PCED1B: variants seen among roughly 807,000 people sequenced by gnomAD.
PCED1B encodes the protein PC-esterase domain containing 1B.
For missense variants in PCED1B, 573 were observed against 573.9 expected (o/e 1.00, Z 0.02); for synonymous variants, 251 against 246.1 (o/e 1.02, Z -0.19).
intron 2 of PCED1B, among the ~76,000 whole-genome samples, chr12:47,166,702 T>A (rs1336603375): frequency 6.6e-6 from 1 of 152,132 alleles, no homozygotes; most frequent in Non-Finnish European, 1.5e-5. Context: ...CTAATCAAGA[T>A]GAGGTGTGGT....
At chr12:47,080,110 T>G (rs1210596621) in intron 1 of PCED1B, among the ~76,000 whole-genome samples, 1 of 151,936 alleles carries the variant, frequency 6.6e-6, no homozygotes, top group South Asian at 2.1e-4. Flanking sequence ...CACCCGGACC[T>G]CTAGAACGGC....
intron 1 of PCED1B, among the ~76,000 whole-genome samples, chr12:47,081,876 G>A (rs1937743422): frequency 6.6e-6 from 1 of 152,120 alleles, no homozygotes; most frequent in Non-Finnish European, 1.5e-5. Context: ...GAAACAGGAA[G>A]GTTATATTAT....
intron 2 of PCED1B, among the ~76,000 whole-genome samples, chr12:47,213,211 A>G (rs1286577764): frequency 6.6e-6 from 1 of 152,224 alleles, no homozygotes; most frequent in Non-Finnish European, 1.5e-5. Flanking sequence ...GTTTTAATCC[A>G]GAATCTCAAA....
intron 1 of PCED1B, among the ~76,000 whole-genome samples, chr12:47,095,509 C>T (rs1938449848): frequency 6.6e-6 from 1 of 152,070 alleles, no homozygotes; most frequent in Non-Finnish European, 1.5e-5. Flanking sequence ...CTCCTCTATT[C>T]TCTCTCTCCT....
At chr12:47,228,038 CTTT>C (rs35458566) in intron 3 of PCED1B, among the ~76,000 whole-genome samples, 8 of 143,480 alleles carry the variant, frequency 5.6e-5, no homozygotes, top group Admixed American at 1.4e-4. Context: ...TTTTCTTTTC[CTTT>C]TTTTTTTTTT....
intron 2 of PCED1B, among the ~76,000 whole-genome samples, chr12:47,107,579 CAG>C (rs1555190231): frequency 6.6e-6 from 1 of 152,180 alleles, no homozygotes; most frequent in Non-Finnish European, 1.5e-5. Flanking sequence ...CCAACTTGGG[CAG>C]AGAGGCCAGA....
chr12:47,212,608 A>G (rs914927813), intron 2 of PCED1B, among the ~76,000 whole-genome samples: 1 of 152,218 alleles, frequency 6.6e-6, no homozygotes, highest in Admixed American at 6.5e-5. Context: ...CTATTCCTGC[A>G]GTGATGGTGT....
intron 1 of PCED1B, among the ~76,000 whole-genome samples, chr12:47,100,720 G>C (rs11183731): frequency 2.0e-5 from 3 of 152,122 alleles, no homozygotes; most frequent in Non-Finnish European, 2.9e-5. Flanking sequence ...AAACAGACTG[G>C]ATTGTGGTAA....
intron 2 of PCED1B, among the ~76,000 whole-genome samples, chr12:47,205,008 C>G (rs1323659460): frequency 6.6e-6 from 1 of 152,070 alleles, no homozygotes; most frequent in Non-Finnish European, 1.5e-5. Flanking sequence ...TTTATTAAGA[C>G]AGGGGAATTG....
Position 47,235,752 on chromosome 12 carries a change from T to C in PCED1B, c.689T>C (p.Val230Ala), listed in dbSNP as rs1156632276. 6.2e-7 allele frequency: 1 copy of C among 1,600,052 alleles called. No homozygotes were observed. Among genetic ancestry groups the C allele is most frequent in the Admixed American group, 1.7e-5 (1 of 57,616 alleles). Residue 230 changes from valine (V) to alanine (A), a missense_variant, in exon 4 of 4, where the codon GTG becomes GCG. Transcript: ENST00000546455. The part of the protein sequence containing the change: ...HARENLHWDG[V>A]HWNGRVHRCL... ...AGGGAGAACCTGCACTGGGACGGGGTGCACTGGAATGGACGTGTGCACCGC... is the reference window on the plus strand; with the variant it reads ...AGGGAGAACCTGCACTGGGACGGGGCGCACTGGAATGGACGTGTGCACCGC...
At chr12:47,151,580 A>C (rs977266746) in intron 2 of PCED1B, among the ~76,000 whole-genome samples, 4 of 152,210 alleles carry the variant, frequency 2.6e-5, no homozygotes, top group African/African-American at 4.8e-5. Context: ...GGAAGTTCCA[A>C]GATTTACCAC....
chr12:47,207,434 C>T (rs1222652099), intron 2 of PCED1B, among the ~76,000 whole-genome samples: 1 of 152,212 alleles, frequency 6.6e-6, no homozygotes, highest in African/African-American at 2.4e-5. Context: ...GGCACACCTT[C>T]CAGCTGCCTG....
At chr12:47,118,442 T>G (rs1213433052) in intron 2 of PCED1B, among the ~76,000 whole-genome samples, 2 of 152,224 alleles carry the variant, frequency 1.3e-5, no homozygotes, top group African/African-American at 2.4e-5. Context: ...ATTTATTAAA[T>G]AAGGAATCCT....
At chr12:47,141,930 G>A (rs1205119903) in intron 2 of PCED1B, among the ~76,000 whole-genome samples, 1 of 152,120 alleles carries the variant, frequency 6.6e-6, no homozygotes, top group Non-Finnish European at 1.5e-5. Context: ...CATGACCCAG[G>A]AGGCAGTCCT....
At chr12:47,151,080 G>A (rs1220917322) in intron 2 of PCED1B, among the ~76,000 whole-genome samples, 5 of 151,308 alleles carry the variant, frequency 3.3e-5, no homozygotes, top group Non-Finnish European at 7.4e-5. Flanking sequence ...GAGTTCCCCA[G>A]AAAAGCAAAA....
chr12:47,182,461 C>T (rs1166981453), intron 2 of PCED1B, among the ~76,000 whole-genome samples: 2 of 151,716 alleles, frequency 1.3e-5, no homozygotes, highest in African/African-American at 2.4e-5. Flanking sequence ...CGTGGTGGCA[C>T]GTGCCTGTAA....
At chr12:47,179,470 G>T (rs1018374567) in intron 2 of PCED1B, among the ~76,000 whole-genome samples, 97 of 152,122 alleles carry the variant, frequency 6.4e-4, no homozygotes, top group African/African-American at 2.0e-3. Context: ...TGGAAATGTG[G>T]ACCATTCTGG....
At chr12:47,120,989 A>G (rs1293059510) in intron 2 of PCED1B, among the ~76,000 whole-genome samples, 1 of 152,132 alleles carries the variant, frequency 6.6e-6, no homozygotes, top group African/African-American at 2.4e-5. Flanking sequence ...CTAGGGGTGG[A>G]AAAAATGGCG....
chr12:47,118,092 G>A (rs1592160683), intron 2 of PCED1B, among the ~76,000 whole-genome samples: 1 of 152,196 alleles, frequency 6.6e-6, no homozygotes, highest in Non-Finnish European at 1.5e-5. Flanking sequence ...GTACATTCTG[G>A]ATATTAGCCA....
Sources: allele counts gnomAD v4.1 joint callset (sites outside exome capture counted in the v4.1 genomes callset), GRCh38; gene constraint gnomAD v4.1.1; transcripts MANE v1.5; gene names NCBI Gene and HGNC (gene_info 2026-07-23, HGNC 2026-07-21).